Variants in KCNH7 observed in about 807,000 individuals in gnomAD.
KCNH7 encodes the protein potassium voltage-gated channel subfamily H member 7, also known as voltage-gated inwardly rectifying potassium channel KCNH7.
A neutral mutation model predicts 120.8 loss-of-function variants in KCNH7; 49 were observed. That is an observed-to-expected ratio of 0.41 (90% CI 0.32 to 0.51). The LOEUF (loss-of-function observed/expected upper bound fraction) is 0.51. Among genes scored for constraint, KCNH7 ranks in the 20% least tolerant of loss-of-function variants. The pLI is 0.38. For missense variants in KCNH7, 1,097 were observed against 1,446.6 expected (o/e 0.76, Z 3.92); for synonymous variants, 547 against 516.1 (o/e 1.06, Z -0.81).
At chr2:162,554,499 A>G (rs1692790094) in intron 2 of KCNH7, among the ~76,000 whole-genome samples, 2 of 152,150 alleles carry the variant, frequency 1.3e-5, no homozygotes, top group Admixed American at 6.5e-5. Flanking sequence ...TGGCAGGGCT[A>G]CATTCCTTCT....
intron 2 of KCNH7, among the ~76,000 whole-genome samples, chr2:162,700,460 G>C (rs1286098905): frequency 6.6e-6 from 1 of 152,118 alleles, no homozygotes; most frequent in Non-Finnish European, 1.5e-5. Flanking sequence ...TAAAGATCAT[G>C]ATTTGAAATG....
chr2:162,373,759 T>C, intron 14 of KCNH7, 97 bp from the exon 15 acceptor site: 3 of 735,666 alleles, frequency 4.1e-6, no homozygotes, highest in Non-Finnish European at 6.0e-6. Context: ...AACAGAATTA[T>C]GGCCTTGCTT....
chr2:162,485,499 A>G (rs542893511), intron 6 of KCNH7, among the ~76,000 whole-genome samples: 1 of 152,324 alleles, frequency 6.6e-6, no homozygotes, highest in East Asian at 1.9e-4. Flanking sequence ...TCATACTTGC[A>G]GTGTCCAGTT....
At chr2:162,644,134 A>G (rs548894672) in intron 2 of KCNH7, among the ~76,000 whole-genome samples, 1 of 152,030 alleles carries the variant, frequency 6.6e-6, no homozygotes, top group Non-Finnish European at 1.5e-5. Flanking sequence ...TCCTTTGGGC[A>G]AATTCAGAAA....
intron 6 of KCNH7, among the ~76,000 whole-genome samples, chr2:162,463,910 C>T (rs1206926833): frequency 6.6e-6 from 1 of 151,566 alleles, no homozygotes; most frequent in Non-Finnish European, 1.5e-5. Flanking sequence ...ATATGTTTAT[C>T]CAAGGGAGAA....
chr2:162,506,575 T>C (rs1357314137), intron 5 of KCNH7, among the ~76,000 whole-genome samples: 1 of 151,816 alleles, frequency 6.6e-6, no homozygotes, highest in Non-Finnish European at 1.5e-5. Context: ...AAATATATAG[T>C]TAAATTGTAT....
chr2:162,721,288 T>C (rs1687317733), intron 2 of KCNH7, among the ~76,000 whole-genome samples: 1 of 152,184 alleles, frequency 6.6e-6, no homozygotes, highest in Admixed American at 6.6e-5. Flanking sequence ...TTTAACAACT[T>C]CATTACAAAA....
intron 2 of KCNH7, among the ~76,000 whole-genome samples, chr2:162,628,648 G>A (rs1450361466): frequency 1.3e-5 from 2 of 151,948 alleles, no homozygotes; most frequent in Non-Finnish European, 2.9e-5. Flanking sequence ...ATGTGCCCAT[G>A]TGGTCTCATC....
At chr2:162,566,255 CACTT>C (rs1425619182) in intron 2 of KCNH7, among the ~76,000 whole-genome samples, 1 of 152,066 alleles carries the variant, frequency 6.6e-6, no homozygotes, top group African/African-American at 2.4e-5. Context: ...ATAGCCAAGA[CACTT>C]ACCTGGGCTT....
chr2:162,685,825 C>T (rs1685871076), intron 2 of KCNH7, among the ~76,000 whole-genome samples: 1 of 151,540 alleles, frequency 6.6e-6, no homozygotes, highest in Admixed American at 6.6e-5. Flanking sequence ...GAAAGATACA[C>T]AACTAAAAAT....
Position 162,477,813 on chromosome 2 carries a change from CATCT to C in KCNH7, c.1128+26626_1128+26629del, listed in dbSNP as rs1689797776. On this transcript the variant is annotated intron_variant, in intron 6 of 15. Transcript: ENST00000332142. ...TTTTCTATATAGCCTTCTGCCCAAA[CATCT>C]ATCCATCCATCCATCCATCCATCCA... 2.1e-5 allele frequency among the ~76,000 whole-genome samples: 3 copies of C among 145,162 alleles called. No homozygotes were observed. The South Asian group carries it at 6.3e-4, about 31-fold the overall frequency.
chr2:162,566,126 C>G (rs552756905), intron 2 of KCNH7, among the ~76,000 whole-genome samples: 1 of 151,816 alleles, frequency 6.6e-6, no homozygotes, highest in Non-Finnish European at 1.5e-5. Flanking sequence ...CCTAAGAGGC[C>G]GCTGCCTTTT....
intron 2 of KCNH7, among the ~76,000 whole-genome samples, chr2:162,777,761 C>G (rs1022374909): frequency 2.0e-5 from 3 of 152,036 alleles, no homozygotes; most frequent in Non-Finnish European, 4.4e-5. Flanking sequence ...AGATTTCAAT[C>G]AAGGTTAAAA....
Position 162,506,948 on chromosome 2 carries a change from G to A in KCNH7, c.914-2291C>T, listed in dbSNP as rs2105759782. On this transcript the variant is annotated intron_variant, in intron 5 of 15. Coordinates refer to ENST00000332142, the MANE Select transcript of KCNH7 (RefSeq NM_033272.4). ...AAAGAATTGCCTTACATGCCTCGAG[G>A]CCATTCATGCAGGTGAAAAGCCTGT... is the stretch of plus-strand genomic sequence containing the variant. Among the ~76,000 whole-genome samples the A allele has an allele frequency of 2.0e-5, 3 of 151,926 alleles. No homozygotes were observed. The South Asian group carries it at 6.2e-4, about 32-fold the overall frequency.
intron 2 of KCNH7, among the ~76,000 whole-genome samples, chr2:162,608,211 T>C (rs1682845750): frequency 6.6e-6 from 1 of 152,174 alleles, no homozygotes; most frequent in Non-Finnish European, 1.5e-5. Context: ...GTTCAGCCAG[T>C]CGGATACTGG....
intron 2 of KCNH7, among the ~76,000 whole-genome samples, chr2:162,823,844 TCTAA>T (rs1194809917): frequency 1.3e-5 from 2 of 151,638 alleles, no homozygotes; most frequent in Non-Finnish European, 1.5e-5. Context: ...ATGCTGACAG[TCTAA>T]CTAAAATCTC....
At position 162,404,591 on chromosome 2, in the gene KCNH7, C is replaced by G. The variant is rs10186326; in HGVS notation, c.2155-4150G>C. On this transcript the variant is annotated intron_variant, in intron 9 of 15. Transcript: ENST00000332142. ...AGTGTGTAACACCTCCTTCCACTCTCTCTCTTGCTCCTGCTCCTGCCATGT... is the reference window on the plus strand; with the variant it reads ...AGTGTGTAACACCTCCTTCCACTCTGTCTCTTGCTCCTGCTCCTGCCATGT... Among the ~76,000 whole-genome samples, 506 of 152,028 alleles carry G rather than the reference C, an allele frequency of 3.3e-3. 2 individuals are homozygous for G. The highest frequency in any genetic ancestry group is 0.011 in the African/African-American group (477 of 41,514).
intron 2 of KCNH7, among the ~76,000 whole-genome samples, chr2:162,767,044 T>C (rs1441447954): frequency 6.6e-6 from 1 of 152,188 alleles, no homozygotes; most frequent in East Asian, 1.9e-4. Flanking sequence ...AGAGCATCCT[T>C]TCTCTCTGTC....
intron 6 of KCNH7, among the ~76,000 whole-genome samples, chr2:162,464,451 A>T (rs1025314674): frequency 6.6e-6 from 1 of 152,122 alleles, no homozygotes; most frequent in Admixed American, 6.5e-5. Flanking sequence ...TATGCAAGTG[A>T]CAAAGAACAA....
Sources: gnomAD v4.1 joint callset for allele counts (sites outside exome capture counted in the v4.1 genomes callset) on GRCh38, gnomAD v4.1.1 for gene constraint, MANE v1.5 for transcripts, NCBI Gene and HGNC (gene_info 2026-07-23, HGNC 2026-07-21) for gene names.